Variants in SLC16A12 observed in about 807,000 individuals in gnomAD.
The protein encoded by SLC16A12 is monocarboxylate transporter 12.
SLC16A12 carries 17 observed loss-of-function variants against 42.4 expected under a neutral mutation model. That is an observed-to-expected ratio of 0.40 (90% CI 0.27 to 0.60). SLC16A12 has a LOEUF of 0.60. SLC16A12 is among the 20% of genes least tolerant of loss of function. SLC16A12 has a pLI of 0.42. For missense variants in SLC16A12, 544 were observed against 623.0 expected, an observed-to-expected ratio of 0.87 and a Z score of 1.35; for synonymous variants, 224 against 229.4, an observed-to-expected ratio of 0.98 and a Z score of 0.21.
chr10:89,540,489 T>C (rs900614471), upstream of SLC16A12, among the ~76,000 whole-genome samples: 1 of 152,194 alleles, frequency 6.6e-6, no homozygotes, highest in Admixed American at 6.5e-5. Context: ...AGCCCCTATT[T>C]CCACTGTCCT....
At chr10:89,527,269 G>A (rs1191262574) in intron 2 of SLC16A12, among the ~76,000 whole-genome samples, 2 of 151,944 alleles carry the variant, frequency 1.3e-5, no homozygotes, top group Non-Finnish European at 1.5e-5. Context: ...GATCACTTGA[G>A]GTCAGAAGTT....
At chr10:89,543,480 A>T (rs993030446) in intron 2 of SLC16A12, among the ~76,000 whole-genome samples, 1 of 152,192 alleles carries the variant, frequency 6.6e-6, no homozygotes, top group African/African-American at 2.4e-5. Context: ...TAAAATGAAC[A>T]TAATAATAAC....
At chr10:89,459,303 A>C (rs1374767399) in intron 3 of SLC16A12, among the ~76,000 whole-genome samples, 1 of 146,282 alleles carries the variant, frequency 6.8e-6, no homozygotes, top group African/African-American at 2.5e-5. Flanking sequence ...TCCCATAACC[A>C]AGGCAGTTTT....
intron 2 of SLC16A12, among the ~76,000 whole-genome samples, chr10:89,527,415 AG>A (rs1464312827): frequency 6.6e-6 from 1 of 152,020 alleles, no homozygotes; most frequent in Non-Finnish European, 1.5e-5. Flanking sequence ...CCCAGGAGGC[AG>A]AGGTTGCAGC....
At chr10:89,452,219 T>A (rs1185771154) in intron 3 of SLC16A12, among the ~76,000 whole-genome samples, 1 of 152,180 alleles carries the variant, frequency 6.6e-6, no homozygotes, top group Admixed American at 6.5e-5. Context: ...AGAATGTCGA[T>A]AGGATGTGCA....
At chr10:89,538,815 A>G (rs1030069395), upstream of SLC16A12, among the ~76,000 whole-genome samples, 6 of 152,164 alleles carry the variant, frequency 3.9e-5, no homozygotes, top group African/African-American at 1.4e-4. Context: ...CCTTGGCCAA[A>G]CTTTAGTCAG....
intron 3 of SLC16A12, among the ~76,000 whole-genome samples, chr10:89,454,583 T>G (rs1270153700): frequency 1.3e-5 from 2 of 152,054 alleles, no homozygotes; most frequent in African/African-American, 4.8e-5. Context: ...TCAGCAATAC[T>G]GAACTTCTGC....
intron 2 of SLC16A12, among the ~76,000 whole-genome samples, chr10:89,519,019 C>T (rs1490997649): frequency 6.6e-6 from 1 of 152,092 alleles, no homozygotes; most frequent in East Asian, 1.9e-4. Flanking sequence ...GTGGTGGTTG[C>T]TACATAGCTT....
intron 2 of SLC16A12, among the ~76,000 whole-genome samples, chr10:89,518,553 C>T (rs1843295385): frequency 6.6e-6 from 1 of 152,176 alleles, no homozygotes; most frequent in Admixed American, 6.5e-5. Context: ...ATTCCCTTCT[C>T]TAGAGCCTGG....
At chr10:89,475,324 A>G (rs1842561129) in intron 2 of SLC16A12, among the ~76,000 whole-genome samples, 1 of 152,134 alleles carries the variant, frequency 6.6e-6, no homozygotes, top group Admixed American at 6.5e-5. Context: ...CTAGGGGCAA[A>G]CTCGAGTTCC....
At chr10:89,552,083 G>A (rs866494491) in intron 2 of SLC16A12, among the ~76,000 whole-genome samples, 3 of 151,960 alleles carry the variant, frequency 2.0e-5, no homozygotes, top group African/African-American at 4.8e-5. Flanking sequence ...CTACAGGTGC[G>A]TGCCACTACA....
At chr10:89,467,632 A>G (rs1842424864) in intron 2 of SLC16A12, among the ~76,000 whole-genome samples, 1 of 152,226 alleles carries the variant, frequency 6.6e-6, no homozygotes, top group South Asian at 2.1e-4. Flanking sequence ...GAAGCTATGT[A>G]AAGCTTATGT....
At chr10:89,447,918 T>C (rs4592343) in intron 3 of SLC16A12, among the ~76,000 whole-genome samples, 19,552 of 151,972 alleles carry the variant, frequency 0.13, 1,385 homozygotes, top group South Asian at 0.31. Context: ...CGATAAAAAA[T>C]GACAAAGGGG....
At chr10:89,531,270 A>T (rs113756153) in intron 2 of SLC16A12, among the ~76,000 whole-genome samples, 6,101 of 151,642 alleles carry the variant, frequency 0.04, 408 homozygotes, top group African/African-American at 0.14. Flanking sequence ...ATGGTGGTGG[A>T]TGCCTGTAAT....
At chr10:89,546,086 C>A (rs1020338034) in intron 2 of SLC16A12, among the ~76,000 whole-genome samples, 5 of 152,228 alleles carry the variant, frequency 3.3e-5, no homozygotes, top group African/African-American at 9.6e-5. Flanking sequence ...ACCATAAAAA[C>A]CCTAGAAGAA....
At chr10:89,470,932 G>A (rs892165931) in intron 2 of SLC16A12, among the ~76,000 whole-genome samples, 1 of 148,038 alleles carries the variant, frequency 6.8e-6, no homozygotes, top group Non-Finnish European at 1.5e-5. Flanking sequence ...ACACGGACAC[G>A]TGAGCTCTCC....
rs1339638367 is a variant in SLC16A12, at chr10:89,432,968, C to T, written c.*96G>A. On this transcript the variant is annotated 3_prime_UTR_variant, in exon 8 of 8. Transcript: ENST00000371790. ...CAATAATAATAATTTCCTTGGAAGG[C>T]AATCCTTCTGCCAAAATAAAAAGTT... 5.2e-5 allele frequency: 77 copies of T among 1,494,190 alleles called. No homozygotes were observed. The highest frequency in any genetic ancestry group is 6.6e-5 in the Non-Finnish European group (73 of 1,101,512). 92.6% of individuals were successfully genotyped at this position (1,494,190 alleles called of 1,614,324 possible). A position where few individuals can be genotyped will look rare whatever the true frequency, so the allele number is the denominator to read the frequency against.
intron 2 of SLC16A12, among the ~76,000 whole-genome samples, chr10:89,495,917 A>G (rs1483575888): frequency 2.0e-5 from 3 of 152,216 alleles, no homozygotes; most frequent in Non-Finnish European, 2.9e-5. Context: ...GCACCATTGT[A>G]AAGCCAAAAA....
At chr10:89,506,523 C>CAAACAGAAA (rs1843063938) in intron 2 of SLC16A12, among the ~76,000 whole-genome samples, 1 of 152,130 alleles carries the variant, frequency 6.6e-6, no homozygotes, top group African/African-American at 2.4e-5. Context: ...AAAGGAATAG[C>CAAACAGAAA]ATCAACATCA....
Sources: allele counts gnomAD v4.1 joint callset (sites outside exome capture counted in the v4.1 genomes callset), GRCh38; gene constraint gnomAD v4.1.1; transcripts MANE v1.5; gene names NCBI Gene and HGNC (gene_info 2026-07-23, HGNC 2026-07-21).